Variants in CCT4 observed in about 807,000 individuals in gnomAD.
CCT4 encodes the protein chaperonin containing TCP1 subunit 4.
CCT4 carries 17 observed loss-of-function variants against 62.5 expected under a neutral mutation model. The observed-to-expected ratio is 0.27, with a 90% CI of 0.19 to 0.41. CCT4 has a LOEUF of 0.41. Among genes scored for constraint, CCT4 ranks in the 10% least tolerant of loss-of-function variants. The pLI is 1.00. For missense variants in CCT4, 592 were observed against 659.2 expected (o/e 0.90, Z 1.12); for synonymous variants, 250 against 229.9 (o/e 1.09, Z -0.79).
chr2:61,876,606 G>A (rs1433902485), intron 7 of CCT4, among the ~76,000 whole-genome samples: 2 of 152,146 alleles, frequency 1.3e-5, no homozygotes, highest in Non-Finnish European at 2.9e-5. Flanking sequence ...GGAGTGCAGG[G>A]ACTATTCACA....
rs527834654 is a variant in CCT4 at position 61,880,466 on chromosome 2, C to T, written c.271-72G>A. 22 of 783,796 alleles carry T rather than the reference C, an allele frequency of 2.8e-5. 1 individual carries two copies. The highest frequency in any genetic ancestry group is 5.2e-5 in the East Asian group (2 of 38,702). 48.6% of individuals were successfully genotyped at this position (783,796 alleles called of 1,614,324 possible). A position where few individuals can be genotyped will look rare whatever the true frequency, so the allele number is the denominator to read the frequency against. The stretch of plus-strand genomic sequence containing the variant: ...CCCAGTAACACCTAATTCAAATAAT[C>T]GCACCAGTGTCACAAACAGAATTTG... On this transcript the variant is annotated intron_variant, in intron 3 of 13. Coordinates refer to ENST00000394440, the MANE Select transcript of CCT4 (RefSeq NM_006430.4).
At chr2:61,876,065 A>G (rs777491348) in intron 8 of CCT4, 30 bp downstream of exon 8, 1 of 1,469,840 alleles carries the variant, frequency 6.8e-7, no homozygotes. Flanking sequence ...AATTATCATT[A>G]AGGGATGAAC....
At chr2:61,877,175 G>T in intron 6 of CCT4, 123 bp from the exon 7 acceptor site, 1 of 966,978 alleles carries the variant, frequency 1.0e-6, no homozygotes. Context: ...ATTTATTATT[G>T]CCCCACTCCT....
At chr2:61,880,237 TTG>T (rs1247896719) in intron 4 of CCT4, 47 bp downstream of exon 4, 1 of 839,344 alleles carries the variant, frequency 1.2e-6, no homozygotes, top group Non-Finnish European at 1.7e-6. Flanking sequence ...TTCCTAAAGT[TTG>T]TTTTTTAAAC....
chr2:61,887,345 T>C (rs1318236016), intron 1 of CCT4, among the ~76,000 whole-genome samples: 12 of 152,158 alleles, frequency 7.9e-5, no homozygotes, highest in Non-Finnish European at 1.5e-5. Context: ...CGTGGGTCTT[T>C]ATATGCTTTC....
chr2:61,884,178 G>C (rs1669184363), intron 2 of CCT4, among the ~76,000 whole-genome samples: 1 of 152,140 alleles, frequency 6.6e-6, no homozygotes, highest in Non-Finnish European at 1.5e-5. Context: ...CTACATAATA[G>C]ATATCTATAT....
chr2:61,873,867 A>G (rs979221717), intron 8 of CCT4, among the ~76,000 whole-genome samples: 2 of 150,406 alleles, frequency 1.3e-5, no homozygotes, highest in Non-Finnish European at 3.0e-5. Flanking sequence ...CACCCGGCTC[A>G]TTTATTTATT....
At chr2:61,876,011 T>A in intron 8 of CCT4, 84 bp downstream of exon 8, 1 of 830,628 alleles carries the variant, frequency 1.2e-6, no homozygotes, top group South Asian at 2.1e-5. Flanking sequence ...AGTGCTTAAA[T>A]CATATATTTT....
Position 61,868,398 on chromosome 2 carries a change from A to T in CCT4, c.*294T>A. On this transcript the variant is annotated 3_prime_UTR_variant, in exon 14 of 14. Transcript: ENST00000394440. ...TTATCAGTGATGAGCATATTGGGCC[A>T]TTTTTTTCCTCAACATGTAAACTCA... 1 of 360,406 alleles carries T rather than the reference A, an allele frequency of 2.8e-6. No individual in the cohort carries two copies. Among genetic ancestry groups the T allele is most frequent in the Non-Finnish European group, 5.1e-6 (1 of 197,120 alleles). The allele number at this position is 360,406 out of a possible 1,614,324, so 22.3% of individuals were successfully genotyped here. A position where few individuals can be genotyped will look rare whatever the true frequency, so the allele number is the denominator to read the frequency against.
chr2:61,884,881 C>T, intron 2 of CCT4, 139 bp downstream of exon 2: 2 of 672,328 alleles, frequency 3.0e-6, no homozygotes, highest in Non-Finnish European at 5.0e-6. Flanking sequence ...TCCCCTCACC[C>T]TCCCAAAGTG....
In CCT4 at chr2:61,872,439, A is replaced by G. The variant is rs1196209426; in HGVS notation, c.1256+19T>C. Reference sequence around the variant, plus strand: ...TTTAATGTTCAAAATGTTACTTAATAATGTAACACTGACATTACCTCTTCT... The same window carrying G: ...TTTAATGTTCAAAATGTTACTTAATGATGTAACACTGACATTACCTCTTCT... On this transcript the variant is annotated intron_variant, in intron 11 of 13. Coordinates refer to ENST00000394440, the MANE Select transcript of CCT4 (RefSeq NM_006430.4). 9 of 1,574,084 alleles carry G rather than the reference A, an allele frequency of 5.7e-6. No homozygotes were observed. Among genetic ancestry groups the G allele is most frequent in the Non-Finnish European group, 7.8e-6 (9 of 1,153,008 alleles).
Position 61,881,165 on chromosome 2 carries a change from A to G in CCT4, c.271-771T>C, listed in dbSNP as rs796353270. Among the ~76,000 whole-genome samples the G allele has an allele frequency of 6.6e-5, 10 of 152,258 alleles. 1 individual carries two copies. The highest frequency in any genetic ancestry group is 2.4e-4 in the African/African-American group (10 of 41,546). On this transcript the variant is annotated intron_variant, in intron 3 of 13. Transcript: ENST00000394440. Reference sequence around the variant, plus strand: ...AAGCCTCAGGACTATCCAAGAAAACAGCAAAACTTCACGTAGCAGTGAAGT... The same window carrying G: ...AAGCCTCAGGACTATCCAAGAAAACGGCAAAACTTCACGTAGCAGTGAAGT...
At chr2:61,875,314 C>T (rs1237281642) in intron 8 of CCT4, among the ~76,000 whole-genome samples, 2 of 151,950 alleles carry the variant, frequency 1.3e-5, no homozygotes, top group African/African-American at 4.8e-5. Flanking sequence ...TGCGGTGGCT[C>T]ATGCCTGTAA....
rs1486741772 is a variant in CCT4 at position 61,872,105 on chromosome 2, T to A, written c.1468A>T (p.Thr490Ser). 2 of 1,613,076 alleles carry A rather than the reference T, an allele frequency of 1.2e-6. No individual in the cohort carries two copies. Among genetic ancestry groups the A allele is most frequent in the Non-Finnish European group, 8.5e-7 (1 of 1,179,426 alleles). Residue 490 changes from threonine to serine, a missense_variant, in exon 12 of 14, where the codon ACT becomes TCT. Physicochemically the swap from Thr to Ser is moderately conservative, Grantham distance 58. Coordinates refer to ENST00000394440, the MANE Select transcript of CCT4 (RefSeq NM_006430.4). ...LRNRHAQGEK[T>S]AGINVRKGGI... The stretch of plus-strand genomic sequence containing the variant: ...ACCTTTCGGACATTAATGCCTGCAG[T>A]TTTTTCTCCCTGGGCATGCCGGTTT...
At chr2:61,876,259 TTTGCATTGTAAGATATTTTAAG>T (rs758065017) in intron 7 of CCT4, 25 bp from the exon 8 acceptor site, 1 of 1,546,200 alleles carries the variant, frequency 6.5e-7, no homozygotes, top group South Asian at 1.2e-5. Flanking sequence ...AACATCATAA[TTTGCATTGTAAGATATTTTAAG>T]TTTAAAAGTA....
Position 61,879,548 on chromosome 2 carries a change from G to T in CCT4, c.380-537C>A, listed in dbSNP as rs1457097506. On this transcript the variant is annotated intron_variant, in intron 4 of 13. Coordinates refer to ENST00000394440, the MANE Select transcript of CCT4 (RefSeq NM_006430.4). ...CAGCCTCAGCCTCCCAAAGTGCTGGGATTACAAGTATGAGTCACCGCACCT... is the reference window on the plus strand; with the variant it reads ...CAGCCTCAGCCTCCCAAAGTGCTGGTATTACAAGTATGAGTCACCGCACCT... Among the ~76,000 whole-genome samples, 2 of 150,986 alleles carry T rather than the reference G, an allele frequency of 1.3e-5. 1 individual carries two copies. The highest frequency in any genetic ancestry group is 4.2e-4 in the South Asian group (2 of 4,788).
intron 8 of CCT4, 120 bp from the exon 9 acceptor site, chr2:61,873,413 G>C (rs1277226126): frequency 6.7e-6 from 4 of 594,526 alleles, no homozygotes; most frequent in Non-Finnish European, 1.2e-5. Context: ...GAAGAAAAAT[G>C]CTTTAGTTTA....
In CCT4 at chr2:61,885,106, T is replaced by C. The variant is rs538122582; in HGVS notation, c.128-34A>G. 2.4e-5 allele frequency: 36 copies of C among 1,481,560 alleles called. 1 individual carries two copies. The South Asian group carries it at 4.5e-4, about 19-fold the overall frequency. 91.8% of individuals were successfully genotyped at this position (1,481,560 alleles called of 1,614,324 possible). On this transcript the variant is annotated intron_variant, in intron 1 of 13. Coordinates refer to ENST00000394440, the MANE Select transcript of CCT4 (RefSeq NM_006430.4). ...GGGGGGGAAAAAAAAGAAAACAAAT[T>C]AGAACTTTTTTTTTTTTAAGAGACA...
chr2:61,872,960 C>T (rs1448592253), intron 10 of CCT4, 42 bp downstream of exon 10: 2 of 1,173,008 alleles, frequency 1.7e-6, no homozygotes. Context: ...AAACCCCATA[C>T]CCAAACCTAA....
Sources: gnomAD v4.1 joint callset for allele counts (sites outside exome capture counted in the v4.1 genomes callset) on GRCh38, gnomAD v4.1.1 for gene constraint, MANE v1.5 for transcripts, NCBI Gene and HGNC (gene_info 2026-07-23, HGNC 2026-07-21) for gene names.